The following DDX24 variants were observed in gnomAD, a reference collection of about 807,000 sequenced individuals.
The protein encoded by DDX24 is DEAD-box helicase 24, also known as ATP-dependent RNA helicase DDX24.
A neutral mutation model predicts 68.9 loss-of-function variants in DDX24; 24 were observed. The ratio of observed to expected loss-of-function variants is 0.35; its 90% CI spans 0.25 to 0.49. The LOEUF (loss-of-function observed/expected upper bound fraction) is 0.49, where lower values mean the gene tolerates loss of function less well. Among genes scored for constraint, DDX24 ranks in the 20% least tolerant of loss-of-function variants. The pLI is 0.99. For synonymous variants in DDX24, 395 were observed against 385.2 expected (o/e 1.03, Z -0.30); for missense variants, 989 against 1,039.0 (o/e 0.95, Z 0.66).
In DDX24 at chr14:94,051,224, C is replaced by G; in HGVS notation, c.2547G>C (p.Pro849=). ...CACTTGTACTTGGCTGTGGCTGTTC[C>G]GGCTGTGGCTCCTTCGGCTTCTTTG... is the stretch of plus-strand genomic sequence containing the variant. The part of the protein sequence containing the change: ...KKTKKPKEPQ[P]EQPQPSTSAN Residue 849 remains proline (P), a synonymous_variant, in exon 9 of 9, where the codon CCG becomes CCC. Coordinates refer to ENST00000621632, the MANE Select transcript of DDX24 (RefSeq NM_020414.4). The G allele has an allele frequency of 6.3e-7, 1 of 1,580,412 alleles. No homozygotes were observed. Among genetic ancestry groups the G allele is most frequent in the South Asian group, 1.2e-5 (1 of 85,918 alleles).
At chr14:94,072,751 C>T (rs972947613) in intron 2 of DDX24, among the ~76,000 whole-genome samples, 1 of 152,092 alleles carries the variant, frequency 6.6e-6, no homozygotes, top group Non-Finnish European at 1.5e-5. Flanking sequence ...ATGGCTTGAT[C>T]CCAGAAGGTG....
intron 3 of DDX24, 129 bp from the exon 4 acceptor site, chr14:94,061,195 A>C: frequency 9.2e-7 from 1 of 1,085,282 alleles, no homozygotes; most frequent in Non-Finnish European, 1.3e-6. Flanking sequence ...GCATTGCTAA[A>C]AGAGCAGGCC....
At chr14:94,069,516 C>G (rs1264023924) in intron 2 of DDX24, among the ~76,000 whole-genome samples, 2 of 152,128 alleles carry the variant, frequency 1.3e-5, no homozygotes, top group Non-Finnish European at 2.9e-5. Context: ...TTCTATGAAG[C>G]CAGCATCACC....
At chr14:94,067,337 T>C (rs913378876) in intron 2 of DDX24, among the ~76,000 whole-genome samples, 2 of 152,028 alleles carry the variant, frequency 1.3e-5, no homozygotes, top group African/African-American at 4.8e-5. Flanking sequence ...AGTCTGGGAT[T>C]ATGTTAAATG....
rs912146006 is a variant in DDX24 at position 94,062,409 on chromosome 14, T to C, written c.931A>G (p.Ser311Gly). 25 of 1,614,162 alleles carry C rather than the reference T, an allele frequency of 1.5e-5. No homozygotes were observed. The highest frequency in any genetic ancestry group is 1.6e-4 in the Middle Eastern group (1 of 6,062). The change falls in exon 3 of 9, where the codon AGT becomes GGT. Residue 311 changes from serine to glycine, a missense_variant. Transcript: ENST00000621632. The stretch of plus-strand genomic sequence containing the variant: ...GCTCTGGCCTCGGCTGCAATATCAC[T>C]GGGCAGTGCTTCACTCTCAATTACA... ...DTVIESEALP[S>G]DIAAEARAKT...
At chr14:94,077,141 T>TAATA (rs1461230900) in intron 2 of DDX24, among the ~76,000 whole-genome samples, 1 of 152,248 alleles carries the variant, frequency 6.6e-6, no homozygotes, top group Non-Finnish European at 1.5e-5. Context: ...ATCCAGCCAA[T>TAATA]AATAGGCTAT....
At chr14:94,057,646 T>C (rs1475931406) in intron 6 of DDX24, 176 bp downstream of exon 6, 5 of 569,590 alleles carry the variant, frequency 8.8e-6, no homozygotes, top group Non-Finnish European at 1.5e-5. Context: ...CAAGGTTTTC[T>C]GGAGACCAAA....
At chr14:94,078,051 TACTAA>T (rs35051323) in intron 2 of DDX24, among the ~76,000 whole-genome samples, 4,695 of 152,080 alleles carry the variant, frequency 0.031, 180 homozygotes, top group East Asian at 0.096. Flanking sequence ...ACTGTATCTG[TACTAA>T]ACACTGTACA....
At chr14:94,070,715 A>G (rs556511014) in intron 2 of DDX24, among the ~76,000 whole-genome samples, 119 of 152,340 alleles carry the variant, frequency 7.8e-4, no homozygotes, top group African/African-American at 2.7e-3. Context: ...AAATACTTAC[A>G]GCCAACTGAT....
At chr14:94,056,714 T>C (rs925399662) in intron 6 of DDX24, 1 of 152,160 alleles carries the variant, frequency 6.6e-6, no homozygotes, top group African/African-American at 2.4e-5. Context: ...GGCCCTGACT[T>C]ATCGACTGGT....
At position 94,050,716 on chromosome 14, in the gene DDX24, C is replaced by T. The variant is rs1885371158; in HGVS notation, c.*475G>A. The T allele has an allele frequency of 6.4e-6, 1 of 155,414 alleles. No homozygotes were observed. The highest frequency in any genetic ancestry group is 1.4e-5 in the Non-Finnish European group (1 of 70,292). The allele number at this position is 155,414 out of a possible 1,614,324, so 9.6% of individuals were successfully genotyped here. ...CTGCTCTGGGTAAAGCAGGAACATGCACCTCTTGAACATTCCAGCCTCTTG... is the reference window on the plus strand; with the variant it reads ...CTGCTCTGGGTAAAGCAGGAACATGTACCTCTTGAACATTCCAGCCTCTTG... On this transcript the variant is annotated 3_prime_UTR_variant, in exon 9 of 9. Transcript: ENST00000621632.
intron 2 of DDX24, among the ~76,000 whole-genome samples, chr14:94,063,791 A>T (rs189576553): frequency 3.5e-4 from 54 of 152,210 alleles, no homozygotes; most frequent in African/African-American, 1.3e-3. Flanking sequence ...TAGTCTTCGA[A>T]ACTTGGGAGG....
At position 94,054,878 on chromosome 14, in the gene DDX24, G is replaced by C. The variant is rs1004803216; in HGVS notation, c.2178+118C>G. The C allele has an allele frequency of 7.8e-6, 9 of 1,153,646 alleles. No homozygotes were observed. The African/African-American group carries it at 1.2e-4, about 16-fold the overall frequency. The allele number at this position is 1,153,646 out of a possible 1,614,324, so 71.5% of individuals were successfully genotyped here. Reference sequence around the variant, plus strand: ...TTTCTACAAGTCTCCTTGTTCAGCTGTTGGCAGAACCATTCCTTAGTTTTC... The same window carrying C: ...TTTCTACAAGTCTCCTTGTTCAGCTCTTGGCAGAACCATTCCTTAGTTTTC... On this transcript the variant is annotated intron_variant, in intron 7 of 8. Transcript: ENST00000621632.
Position 94,055,155 on chromosome 14 carries a change from G to C in DDX24, c.2019C>G (p.His673Gln). 2.5e-6 allele frequency: 4 copies of C among 1,613,994 alleles called. No homozygotes were observed. Among genetic ancestry groups the C allele is most frequent in the Non-Finnish European group, 3.4e-6 (4 of 1,179,890 alleles). The change falls in exon 7 of 9, where the codon CAC (histidine) becomes CAG (glutamine). Residue 673 changes from histidine to glutamine, a missense_variant. Coordinates refer to ENST00000621632, the MANE Select transcript of DDX24 (RefSeq NM_020414.4). The stretch of plus-strand genomic sequence containing the variant: ...TAGCTCGAGCAGTTCGACCACTTCG[G>C]TGGACATAAATCTCCGAGGTACGTG... ...QVPRTSEIYV[H>Q]RSGRTARATN...
Position 94,060,350 on chromosome 14 carries a change from G to T in DDX24, c.1661C>A (p.Thr554Lys). Residue 554 changes from threonine (T) to lysine (K), a missense_variant, in exon 5 of 9, where the codon ACA becomes AAA. By Grantham distance (78) the Thr-to-Lys change is moderately conservative (BLOSUM62 -1). Around this residue, in one of 3 missense-constraint regions of DDX24, gnomAD observed 691 missense variants for 760.0 expected, o/e 0.91. Transcript: ENST00000621632. ...MRGKPKVIDL[T>K]RNEATVETLT... Reference sequence around the variant, plus strand: ...CGTCTCCACCGTGGCCTCATTCCTTGTGAGGTCAATGACCTTGGGCTTGCC... The same window carrying T: ...CGTCTCCACCGTGGCCTCATTCCTTTTGAGGTCAATGACCTTGGGCTTGCC... The T allele has an allele frequency of 6.2e-7, 1 of 1,614,188 alleles. No homozygotes were observed. Among genetic ancestry groups the T allele is most frequent in the Non-Finnish European group, 8.5e-7 (1 of 1,180,042 alleles).
intron 8 of DDX24, 77 bp downstream of exon 8, chr14:94,052,921 G>A: frequency 6.5e-7 from 1 of 1,542,982 alleles, no homozygotes; most frequent in South Asian, 1.2e-5. Context: ...ACCCACAGTA[G>A]TAGAGATGGT....
chr14:94,072,694 G>C (rs961383732), intron 2 of DDX24, among the ~76,000 whole-genome samples: 2 of 149,956 alleles, frequency 1.3e-5, no homozygotes, highest in Non-Finnish European at 2.9e-5. Context: ...GCCGGGCATG[G>C]TGGCACATGC....
In DDX24 at chr14:94,060,970, C is replaced by T. The variant is rs143799651; in HGVS notation, c.1340G>A (p.Arg447Gln). The change falls in exon 4 of 9, where the codon CGG (arginine) becomes CAG (glutamine). Residue 447 changes from arginine (R) to glutamine (Q), a missense_variant. By Grantham distance (43) the Arg-to-Gln change is conservative. This residue lies in a region of DDX24 where 691 missense variants were observed against 760.0 expected (regional missense o/e 0.91). Transcript: ENST00000621632. ...CTTTTCTTTAATTAATTCCCACAGCCGGCCTGGAGTAGCAACCACAATCTC... is the reference window on the plus strand; with the variant it reads ...CTTTTCTTTAATTAATTCCCACAGCTGGCCTGGAGTAGCAACCACAATCTC... ...RPEIVVATPG[R>Q]LWELIKEKHY... 4.3e-5 allele frequency: 69 copies of T among 1,614,068 alleles called. No individual in the cohort carries two copies. Among genetic ancestry groups the T allele is most frequent in the Admixed American group, 1.5e-4 (9 of 60,006 alleles).
chr14:94,054,000 T>G (rs1197529862), intron 7 of DDX24, among the ~76,000 whole-genome samples: 1 of 152,166 alleles, frequency 6.6e-6, no homozygotes, highest in Non-Finnish European at 1.5e-5. Context: ...ACAATCAACC[T>G]GAACAGCCAC....
Sources: allele counts gnomAD v4.1 joint callset (sites outside exome capture counted in the v4.1 genomes callset), GRCh38; gene constraint gnomAD v4.1.1; regional missense constraint gnomAD v4.1.1; transcripts MANE v1.5; gene names NCBI Gene and HGNC (gene_info 2026-07-23, HGNC 2026-07-21).